Variants in DST observed in about 807,000 individuals in gnomAD.
The protein encoded by DST is dystonin, also known as bullous pemphigoid antigen.
DST carries 253 observed loss-of-function variants against 875.2 expected under a neutral mutation model. The ratio of observed to expected loss-of-function variants is 0.29; its 90% CI spans 0.26 to 0.32. The LOEUF (loss-of-function observed/expected upper bound fraction) is 0.32, where lower values mean the gene tolerates loss of function less well. DST is among the 10% of genes least tolerant of loss of function. The probability of loss-of-function intolerance (pLI) is 1.00; values close to 1 mark genes in which losing one functional copy is unlikely to be tolerated. For synonymous variants in DST, 3,124 were observed against 3,197.1 expected, an observed-to-expected ratio of 0.98 and a Z score of 0.77; for missense variants, 8,287 against 9,111.6, an observed-to-expected ratio of 0.91 and a Z score of 3.68.
intron 4 of DST, among the ~76,000 whole-genome samples, chr6:56,782,249 G>A (rs2099695652): frequency 6.6e-6 from 1 of 152,202 alleles, no homozygotes; most frequent in Non-Finnish European, 1.5e-5. Flanking sequence ...AAATGAGTGA[G>A]GGAGGATTCC....
At chr6:56,677,514 T>C (rs2099136894) in intron 9 of DST, among the ~76,000 whole-genome samples, 1 of 152,158 alleles carries the variant, frequency 6.6e-6, no homozygotes, top group Non-Finnish European at 1.5e-5. Context: ...GACAGGGGTC[T>C]CTTTTTGTTG....
intron 59 of DST, 56 bp downstream of exon 59, chr6:56,557,263 G>T: frequency 6.8e-7 from 1 of 1,480,998 alleles, no homozygotes; most frequent in Non-Finnish European, 9.2e-7. Flanking sequence ...TGAAAACATT[G>T]GTCTCAGTAA....
At chr6:56,633,109 G>T (rs1455858675) in intron 27 of DST, 72 bp from the exon 28 acceptor site, 2 of 1,250,726 alleles carry the variant, frequency 1.6e-6, no homozygotes, top group Admixed American at 3.4e-5. Flanking sequence ...CTTCAAACTG[G>T]TCGTGTGGTA....
At chr6:56,777,798 A>C (rs963484450) in intron 4 of DST, among the ~76,000 whole-genome samples, 12 of 151,928 alleles carry the variant, frequency 7.9e-5, no homozygotes, top group Admixed American at 7.9e-4. Context: ...TCTGGGCCCA[A>C]GCCATCCTCC....
intron 22 of DST, among the ~76,000 whole-genome samples, chr6:56,638,737 T>C (rs773902168): frequency 6.6e-5 from 10 of 152,202 alleles, no homozygotes; most frequent in Non-Finnish European, 1.3e-4. Context: ...GTCAGGATGC[T>C]GTCCCAATAC....
rs57795684 is a variant in DST, at chr6:56,644,388, TA to T, written c.1778+1477del. Among the ~76,000 whole-genome samples, 266 of 152,344 alleles carry T rather than the reference TA, an allele frequency of 1.7e-3. 1 individual carries two copies. Among genetic ancestry groups the T allele is most frequent in the African/African-American group, 4.9e-3 (202 of 41,572 alleles). ...TAGACATGCTCTCATATATTTATTT[TA>T]TGCATTATTTCACAACGTTGAATCC... On this transcript the variant is annotated intron_variant, in intron 15 of 103. Transcript: ENST00000680361.
intron 97 of DST, 69 bp from the exon 98 acceptor site, chr6:56,469,068 AC>A (rs2094738917): frequency 8.5e-7 from 1 of 1,176,398 alleles, no homozygotes; most frequent in African/African-American, 1.5e-5. Context: ...TGACTCTAGA[AC>A]ATACACACAT....
chr6:56,932,862 G>T (rs1811057485), intron 2 of DST, among the ~76,000 whole-genome samples: 1 of 150,644 alleles, frequency 6.6e-6, no homozygotes. Flanking sequence ...TTCCTTCAAG[G>T]GAATTTCCAG....
chr6:56,938,284 A>G (rs1379156271), intron 2 of DST, among the ~76,000 whole-genome samples: 1 of 151,908 alleles, frequency 6.6e-6, no homozygotes, highest in East Asian at 1.9e-4. Flanking sequence ...ACAGGTGCAT[A>G]CCATCATGCC....
intron 3 of DST, among the ~76,000 whole-genome samples, chr6:56,872,485 GCA>G (rs1469382695): frequency 6.6e-6 from 1 of 152,050 alleles, no homozygotes; most frequent in African/African-American, 2.4e-5. Context: ...TGGCACCACT[GCA>G]CTCTAGCCTG....
chr6:56,933,993 T>C (rs17758527), intron 2 of DST, among the ~76,000 whole-genome samples: 2 of 152,104 alleles, frequency 1.3e-5, no homozygotes, highest in East Asian at 3.8e-4. Flanking sequence ...GCTTTTACAT[T>C]TGTCACTATT....
chr6:56,656,253 C>T (rs1485025859), intron 10 of DST, among the ~76,000 whole-genome samples: 4 of 152,230 alleles, frequency 2.6e-5, no homozygotes, highest in African/African-American at 9.6e-5. Context: ...GGCTTTGTCT[C>T]TCCTAAAAAA....
intron 3 of DST, chr6:56,851,897 C>G (rs1186394569): frequency 3.2e-6 from 5 of 1,548,138 alleles, no homozygotes; most frequent in Non-Finnish European, 4.4e-6. Flanking sequence ...CACCAGCTCA[C>G]AAATGACTGG....
chr6:56,529,483 T>A lies in DST; in HGVS notation c.17560A>T (p.Thr5854Ser). 1 of 1,582,402 alleles carries A rather than the reference T, an allele frequency of 6.3e-7. No individual in the cohort carries two copies. The highest frequency in any genetic ancestry group is 8.6e-7 in the Non-Finnish European group (1 of 1,163,298). ...LSKLSVQDYS[T>S]EGLWKQQSEL... ...GACTGCTGCTTCCATAGCCCCTCAG[T>A]GCTGTAATCCTGGACTGAGAGCTTG... Residue 5854 changes from threonine (T) to serine (S), a missense_variant, in exon 66 of 104, where the codon ACT becomes TCT. Physicochemically the swap from Thr to Ser is moderately conservative, Grantham distance 58. Transcript: ENST00000680361.
chr6:56,552,404 T>C lies in DST; in HGVS notation c.16388A>G (p.Lys5463Arg). Residue 5463 changes from lysine (K) to arginine (R), a missense_variant, in exon 61 of 104, where the codon AAA (lysine) becomes AGA (arginine). Lys to Arg is a conservative substitution (Grantham distance 26). Around this residue, in one of 10 missense-constraint regions of DST, gnomAD observed 777 missense variants for 764.8 expected, o/e 1.02. Coordinates refer to ENST00000680361, the MANE Select transcript of DST (RefSeq NM_001374736.1). ...TTTGCTTAAGGCCTCCAAGTCCCTTTTGATTCCAACAAGGTCAGGAGAGGT... is the reference window on the plus strand; with the variant it reads ...TTTGCTTAAGGCCTCCAAGTCCCTTCTGATTCCAACAAGGTCAGGAGAGGT... ...EETSPDLVGI[K>R]RDLEALSKQC... 2 of 1,614,034 alleles carry C rather than the reference T, an allele frequency of 1.2e-6. No individual in the cohort carries two copies. Among genetic ancestry groups the C allele is most frequent in the Non-Finnish European group, 1.7e-6 (2 of 1,179,892 alleles).
chr6:56,642,659 A>G (rs761845855), intron 15 of DST, 156 bp from the exon 16 acceptor site: 1 of 1,614,200 alleles, frequency 6.2e-7, no homozygotes, highest in Admixed American at 1.7e-5. Flanking sequence ...AAGCTAATGC[A>G]AGAGTTGATC....
intron 80 of DST, among the ~76,000 whole-genome samples, chr6:56,499,870 G>A (rs1314869080): frequency 6.6e-6 from 1 of 152,094 alleles, no homozygotes; most frequent in Non-Finnish European, 1.5e-5. Flanking sequence ...ATATTTTGTT[G>A]CTAGGCAGTT....
At chr6:56,528,710 A>T (rs1268205718) in intron 67 of DST, 131 bp downstream of exon 67, 1 of 670,076 alleles carries the variant, frequency 1.5e-6, no homozygotes, top group Non-Finnish European at 2.6e-6. Context: ...TCTTCAAAGC[A>T]TTCTCCAGAA....
intron 36 of DST, chr6:56,616,739 T>C: frequency 6.2e-7 from 1 of 1,614,224 alleles, no homozygotes; most frequent in East Asian, 2.2e-5. Context: ...TTCCAAGATA[T>C]GTTTACCTTT....
Sources: allele counts gnomAD v4.1 joint callset (sites outside exome capture counted in the v4.1 genomes callset), GRCh38; gene constraint gnomAD v4.1.1; regional missense constraint gnomAD v4.1.1; transcripts MANE v1.5; gene names NCBI Gene and HGNC (gene_info 2026-07-23, HGNC 2026-07-21).